IGFN1: variants seen among roughly 807,000 people sequenced by gnomAD.
IGFN1 encodes the protein immunoglobulin-like and fibronectin type III domain-containing protein 1.
IGFN1 carries 253 observed loss-of-function variants against 289.5 expected under a neutral mutation model. The ratio of observed to expected loss-of-function variants is 0.87; its 90% confidence interval spans 0.79 to 0.97. The LOEUF is 0.97. Among genes scored for constraint, IGFN1 ranks in the 50% least tolerant of loss-of-function variants. IGFN1 has a pLI of 0.00. For missense variants in IGFN1, 4,470 were observed against 4,686.1 expected (o/e 0.95, Z 1.35); for synonymous variants, 1,706 against 1,788.5 (o/e 0.95, Z 1.16).
At chr1:201,196,810 A>G (rs1433996692) in intron 4 of IGFN1, among the ~76,000 whole-genome samples, 1 of 152,222 alleles carries the variant, frequency 6.6e-6, no homozygotes, top group Non-Finnish European at 1.5e-5. Context: ...TAAATATTTG[A>G]CATAGATTAT....
In IGFN1 at chr1:201,213,112, G is replaced by A. The variant is rs1190027234; in HGVS notation, c.8219G>A (p.Gly2740Asp). ...GESGPQGAWN[G>D]LDGPFGRKAS... ...TCCGGACCTCAGGGAGCCTGGAATGGCTTAGATGGTCCCTTTGGCAGAAAA... is the reference window on the plus strand; with the variant it reads ...TCCGGACCTCAGGGAGCCTGGAATGACTTAGATGGTCCCTTTGGCAGAAAA... The change falls in exon 12 of 24, where the codon GGC becomes GAC. Residue 2740 changes from glycine (G) to aspartate (D), a missense_variant. This residue lies in a region of IGFN1 where 2,218 missense variants were observed against 2,114.1 expected (regional missense o/e 1.05). Coordinates refer to ENST00000335211, the MANE Select transcript of IGFN1 (RefSeq NM_001164586.2). 1 of 1,551,662 alleles carries A rather than the reference G, an allele frequency of 6.4e-7. No individual in the cohort carries two copies. Among genetic ancestry groups the A allele is most frequent in the Non-Finnish European group, 8.7e-7 (1 of 1,146,976 alleles).
intron 7 of IGFN1, among the ~76,000 whole-genome samples, chr1:201,199,960 G>A (rs1212102112): frequency 6.6e-6 from 1 of 151,786 alleles, no homozygotes; most frequent in Non-Finnish European, 1.5e-5. Flanking sequence ...ACAGAACAAT[G>A]CAACACCCAC....
intron 18 of IGFN1, among the ~76,000 whole-genome samples, chr1:201,219,619 C>T (rs970708086): frequency 2.6e-5 from 4 of 152,204 alleles, no homozygotes; most frequent in Admixed American, 6.5e-5. Flanking sequence ...AGTTTGCCTA[C>T]GCCAAGTCCT....
chr1:201,221,797 G>A (rs374988694), intron 19 of IGFN1, 51 bp downstream of exon 19: 17 of 1,498,822 alleles, frequency 1.1e-5, no homozygotes, highest in East Asian at 2.3e-5. Flanking sequence ...CCTCTCCTAA[G>A]AGGGGGCCCC....
At chr1:201,221,909 G>C (rs978064463) in intron 19 of IGFN1, among the ~76,000 whole-genome samples, 163 bp downstream of exon 19, 2 of 152,228 alleles carry the variant, frequency 1.3e-5, no homozygotes, top group African/African-American at 2.4e-5. Flanking sequence ...GGGCTAGGCA[G>C]TCCCTTCTTA....
chr1:201,225,908 AG>A lies in IGFN1; in HGVS notation c.10573del (p.Ala3525ProfsTer76). On this transcript the variant is annotated frameshift_variant, in exon 22 of 24. Transcript: ENST00000335211. LOFTEE classifies it high-confidence loss of function. ...GCCGAGTGGGAACCCTCTCCTGACG[AG>A]GCCCAGGATGTCCCGCTGCACTACG... ...VTAEWEPSPD[E>X]AQDVPLHYAV... The A allele has an allele frequency of 6.2e-7, 1 of 1,611,042 alleles. No individual in the cohort carries two copies. The highest frequency in any genetic ancestry group is 1.7e-5 in the Admixed American group (1 of 59,586).
chr1:201,217,243 C>A (rs774794850), intron 16 of IGFN1, 44 bp from the exon 17 acceptor site: 5 of 1,591,168 alleles, frequency 3.1e-6, no homozygotes, highest in Non-Finnish European at 4.3e-6. Flanking sequence ...TGAGCCGGCA[C>A]CTTTCCCAGG....
In IGFN1 at chr1:201,209,975, T is replaced by C. The variant is rs1480877588; in HGVS notation, c.5082T>C (p.Asp1694=). Residue 1694 remains aspartate (D), a synonymous_variant, in exon 12 of 24, where the codon GAT becomes GAC. Coordinates refer to ENST00000335211, the MANE Select transcript of IGFN1 (RefSeq NM_001164586.2). The part of the protein sequence containing the change: ...IGSGSKAGFR[D]GLGSSVEMGS... ...CAGGGAGTAAGGCAGGTTTTAGGGA[T>C]GGTTTAGGGAGTTCTGTAGAAATGG... 26 of 1,493,140 alleles carry C rather than the reference T, an allele frequency of 1.7e-5. No individual in the cohort carries two copies. The Admixed American group carries it at 2.0e-4, about 12-fold the overall frequency. 92.5% of individuals were successfully genotyped at this position (1,493,140 alleles called of 1,614,324 possible). A position where few individuals can be genotyped will look rare whatever the true frequency, so the allele number is the denominator to read the frequency against.
chr1:201,211,572 G>C lies in IGFN1; in HGVS notation c.6679G>C (p.Gly2227Arg). 1 of 1,534,512 alleles carries C rather than the reference G, an allele frequency of 6.5e-7. No homozygotes were observed. Among genetic ancestry groups the C allele is most frequent in the Non-Finnish European group, 8.7e-7 (1 of 1,145,796 alleles). ...DLGAPKGMGS[G>R]SKAGFRDGLG... ...GGGGGCTCCTAAGGGAATGGGTTCA[G>C]GGAGTAAGGCAGGTTTCAGGGATGG... The change falls in exon 12 of 24, where the codon GGG (glycine) becomes CGG (arginine). Residue 2227 changes from glycine (G) to arginine (R), a missense_variant. Physicochemically the swap from Gly to Arg is moderately radical, Grantham distance 125. This residue lies in a region of IGFN1 where 2,218 missense variants were observed against 2,114.1 expected (regional missense o/e 1.05). Coordinates refer to ENST00000335211, the MANE Select transcript of IGFN1 (RefSeq NM_001164586.2).
chr1:201,205,308 G>A lies in IGFN1; in HGVS notation c.1143G>A (p.Ser381=), dbSNP rs1050204753. The A allele has an allele frequency of 7.7e-6, 12 of 1,549,198 alleles. No individual in the cohort carries two copies. The highest frequency in any genetic ancestry group is 3.9e-5 in the Admixed American group (2 of 50,888). ...GARFSDMGPY[S]LGTGLYTSSA... The stretch of plus-strand genomic sequence containing the variant: ...GTTTCTCAGACATGGGCCCCTATTC[G>A]CTGGGCACCGGGCTCTACACTTCCA... Residue 381 remains serine (S), a synonymous_variant, in exon 11 of 24, where the codon TCG becomes TCA. Coordinates refer to ENST00000335211, the MANE Select transcript of IGFN1 (RefSeq NM_001164586.2).
At chr1:201,225,725 G>A (rs1020506354) in intron 21 of IGFN1, 99 bp from the exon 22 acceptor site, 55 of 1,068,180 alleles carry the variant, frequency 5.1e-5, no homozygotes, top group Admixed American at 1.7e-4. Context: ...GCAAGACTGC[G>A]TTCCCCAGGA....
At position 201,213,269 on chromosome 1, in the gene IGFN1, G is replaced by A; in HGVS notation, c.8376G>A (p.Gly2792=). ...EAENGEVQGP[G]ALKEDEGQGV... is the part of the protein sequence containing the mutation. ...AGAATGGTGAGGTCCAGGGTCCTGG[G>A]GCCCTAAAGGAGGATGAAGGGCAGG... Residue 2792 remains glycine (G), a synonymous_variant, in exon 12 of 24, where the codon GGG becomes GGA. Transcript: ENST00000335211. The A allele has an allele frequency of 6.4e-7, 1 of 1,553,796 alleles. No homozygotes were observed. The highest frequency in any genetic ancestry group is 8.7e-7 in the Non-Finnish European group (1 of 1,148,118).
At chr1:201,196,979 A>C (rs984054062) in intron 4 of IGFN1, among the ~76,000 whole-genome samples, 1 of 151,730 alleles carries the variant, frequency 6.6e-6, no homozygotes, top group African/African-American at 2.4e-5. Flanking sequence ...ATCTGACCCC[A>C]AAAAGCACAC....
Position 201,211,420 on chromosome 1 carries a change from C to T in IGFN1, c.6527C>T (p.Ala2176Val). The change falls in exon 12 of 24, where the codon GCA becomes GTA. Residue 2176 changes from alanine to valine, a missense_variant. Physicochemically the swap from Ala to Val is moderately conservative, Grantham distance 64 (BLOSUM62 0). This residue lies in a region of IGFN1 where 2,218 missense variants were observed against 2,114.1 expected (regional missense o/e 1.05). Transcript: ENST00000335211. The part of the protein sequence containing the change: ...SSGEMGSMDE[A>V]GYRKDLGAPE... ...GGGGAAATGGGGTCAATGGATGAGG[C>T]AGGTTATAGGAAGGATTTGGGAGCT... 6.7e-7 allele frequency: 1 copy of T among 1,499,138 alleles called. No individual in the cohort carries two copies. The highest frequency in any genetic ancestry group is 2.6e-5 in the East Asian group (1 of 38,144). 92.9% of individuals were successfully genotyped at this position (1,499,138 alleles called of 1,614,324 possible). A position where few individuals can be genotyped will look rare whatever the true frequency, so the allele number is the denominator to read the frequency against.
At chr1:201,197,451 C>T in intron 5 of IGFN1, 134 bp downstream of exon 5, 1 of 649,528 alleles carries the variant, frequency 1.5e-6, no homozygotes, top group Non-Finnish European at 2.8e-6. Flanking sequence ...CTGCTGCAGC[C>T]CCACCTTGTG....
At position 201,224,861 on chromosome 1, in the gene IGFN1, T is replaced by A; in HGVS notation, c.10473T>A (p.Arg3491=). Residue 3491 remains arginine, a synonymous_variant, in exon 21 of 24, where the codon CGT becomes CGA. Transcript: ENST00000335211. ...GGAAGGAGGTTGCCCACAGCTTCCG[T>A]ATCAGGGTGGCAGGTGAGGCAGGCC... ...LQGKEVAHSF[R]IRVAACPQAP... 6.2e-7 allele frequency: 1 copy of A among 1,613,212 alleles called. No homozygotes were observed. The highest frequency in any genetic ancestry group is 1.1e-5 in the South Asian group (1 of 90,882).
At chr1:201,200,880 G>C (rs1353421948) in intron 8 of IGFN1, among the ~76,000 whole-genome samples, 1 of 149,188 alleles carries the variant, frequency 6.7e-6, no homozygotes, top group Admixed American at 6.7e-5. Flanking sequence ...CGCCCAGGCT[G>C]GAGTGCTGTG....
At position 201,207,193 on chromosome 1, in the gene IGFN1, C is replaced by T. The variant is rs1237707675; in HGVS notation, c.2300C>T (p.Thr767Ile). 39 of 1,536,768 alleles carry T rather than the reference C, an allele frequency of 2.5e-5. No individual in the cohort carries two copies. The highest frequency in any genetic ancestry group is 3.3e-5 in the Non-Finnish European group (38 of 1,146,848). ...ATATGCCGGGGGGAGTCTGTAGTTA[C>T]AGGAAGTGCCTACAAAACTGGCCCT... ...DGICRGESVV[T>I]GSAYKTGPGG... The change falls in exon 12 of 24, where the codon ACA becomes ATA. Residue 767 changes from threonine to isoleucine, a missense_variant. Thr to Ile is a moderately conservative substitution (Grantham distance 89, BLOSUM62 -1). Transcript: ENST00000335211.
Position 201,217,471 on chromosome 1 carries a change from T to C in IGFN1, c.9769+11T>C. 3.1e-6 allele frequency: 5 copies of C among 1,613,728 alleles called. No homozygotes were observed. Among genetic ancestry groups the C allele is most frequent in the Non-Finnish European group, 4.2e-6 (5 of 1,179,736 alleles). ...ACCAGCCGGTGCCTGGTGAGCATTG[T>C]CCTGGCTTCCAGAGCTTCCTTAGAC... On this transcript the variant is annotated intron_variant, in intron 17 of 23. Transcript: ENST00000335211.
Sources: gnomAD v4.1 joint callset for allele counts (sites outside exome capture counted in the v4.1 genomes callset) on GRCh38, gnomAD v4.1.1 for gene constraint, gnomAD v4.1.1 regional missense constraint, MANE v1.5 for transcripts, NCBI Gene and HGNC (gene_info 2026-07-23, HGNC 2026-07-21) for gene names.